ASH1L: variants seen among roughly 807,000 people sequenced by gnomAD.
ASH1L encodes the protein histone-lysine N-methyltransferase ASH1L.
A neutral mutation model predicts 269.0 loss-of-function variants in ASH1L; 23 were observed. That is an observed-to-expected ratio of 0.09 (90% CI 0.06 to 0.12). The LOEUF (loss-of-function observed/expected upper bound fraction) is 0.12. Among genes scored for constraint, ASH1L ranks in the 10% least tolerant of loss-of-function variants. The pLI, the probability that ASH1L is intolerant of heterozygous loss-of-function variation, is 1.00. For synonymous variants in ASH1L, 1,187 were observed against 1,253.5 expected (o/e 0.95, Z 1.12); for missense variants, 2,912 against 3,567.8 (o/e 0.82, Z 4.68).
At chr1:155,514,723 G>C (rs1668386273) in intron 2 of ASH1L, among the ~76,000 whole-genome samples, 1 of 152,122 alleles carries the variant, frequency 6.6e-6, no homozygotes, top group Non-Finnish European at 1.5e-5. Flanking sequence ...GGTGGTTCAG[G>C]AAGTTTTGCA....
rs766034354 is a variant in ASH1L, at chr1:155,481,922, G to A, written c.948C>T (p.Phe316=). ...GCTTTTTGCCTAAGTTTTTATTAAT[G>A]AATACCGCTGTAGTGCCAGTTCCCA... ...KKLGTGTTAV[F]INKNLGKKPG... The change falls in exon 3 of 28, where the codon TTC becomes TTT. Residue 316 remains phenylalanine, a synonymous_variant. Transcript: ENST00000392403. 1.1e-5 allele frequency: 17 copies of A among 1,614,120 alleles called. No individual in the cohort carries two copies. The highest frequency in any genetic ancestry group is 1.3e-5 in the Non-Finnish European group (15 of 1,180,016).
chr1:155,394,606 G>A (rs1658202756), intron 7 of ASH1L, among the ~76,000 whole-genome samples: 1 of 151,984 alleles, frequency 6.6e-6, no homozygotes, highest in South Asian at 2.1e-4. Context: ...AACTGGATAA[G>A]GGACAGAAAA....
At chr1:155,340,412 A>C (rs1350235764) in intron 25 of ASH1L, among the ~76,000 whole-genome samples, 2 of 151,914 alleles carry the variant, frequency 1.3e-5, no homozygotes, top group African/African-American at 4.8e-5. Context: ...CAATCTCCTG[A>C]CTTTGTGATC....
At chr1:155,409,108 T>C (rs1179668582) in intron 6 of ASH1L, among the ~76,000 whole-genome samples, 2 of 152,098 alleles carry the variant, frequency 1.3e-5, no homozygotes, top group Non-Finnish European at 2.9e-5. Context: ...CACTACAACC[T>C]CTGCTTCCTG....
At chr1:155,515,126 G>A (rs1224171167) in intron 2 of ASH1L, among the ~76,000 whole-genome samples, 1 of 152,090 alleles carries the variant, frequency 6.6e-6, no homozygotes, top group Non-Finnish European at 1.5e-5. Context: ...CGTATGCTCA[G>A]CAAATTGATG....
intron 5 of ASH1L, among the ~76,000 whole-genome samples, chr1:155,423,094 A>G (rs1660843669): frequency 6.6e-6 from 1 of 151,336 alleles, no homozygotes; most frequent in Non-Finnish European, 1.5e-5. Flanking sequence ...GATTACAGGT[A>G]CCTACCACCA....
chr1:155,466,278 C>G (rs1197924071), intron 3 of ASH1L, among the ~76,000 whole-genome samples: 1 of 151,992 alleles, frequency 6.6e-6, no homozygotes, highest in Non-Finnish European at 1.5e-5. Flanking sequence ...GGCATGAACC[C>G]GGGAGGCAGA....
At chr1:155,415,398 AC>A (rs368000361) in intron 6 of ASH1L, among the ~76,000 whole-genome samples, 6 of 151,416 alleles carry the variant, frequency 4.0e-5, no homozygotes, top group Admixed American at 6.6e-5. Flanking sequence ...AAAAAAAAAA[AC>A]AAAAAAAGAA....
intron 2 of ASH1L, among the ~76,000 whole-genome samples, chr1:155,510,546 G>C (rs1668102095): frequency 6.6e-6 from 1 of 151,920 alleles, no homozygotes; most frequent in African/African-American, 2.4e-5. Flanking sequence ...AGTAGGTACA[G>C]TGTGCTACTA....
chr1:155,396,177 G>A (rs924264333), intron 6 of ASH1L: 1 of 151,406 alleles, frequency 6.6e-6, no homozygotes, highest in African/African-American at 2.4e-5. Context: ...TTTAAAATGC[G>A]ATCTCAAGAG....
At chr1:155,417,018 G>A (rs1452144907) in intron 5 of ASH1L, among the ~76,000 whole-genome samples, 11 of 144,476 alleles carry the variant, frequency 7.6e-5, no homozygotes, top group Admixed American at 3.5e-4. Context: ...TGCAACCTCC[G>A]CCTCCTGGGT....
chr1:155,464,629 G>T (rs757615968), intron 3 of ASH1L, among the ~76,000 whole-genome samples: 6 of 152,058 alleles, frequency 3.9e-5, no homozygotes, highest in Non-Finnish European at 8.8e-5. Flanking sequence ...AAACAAGGCA[G>T]ACTACTAGTA....
Position 155,378,385 on chromosome 1 carries a change from G to A in ASH1L, c.6228C>T (p.Val2076=), listed in dbSNP as rs1297798141. 6.2e-7 allele frequency: 1 copy of A among 1,613,830 alleles called. No individual in the cohort carries two copies. ...VPLYKKIRSN[V]YVDVKPLSGY... is the part of the protein sequence containing the mutation. ...CAGAAAGGGGTTTGACATCAACGTAGACATCTTGAAAAGAAAGCAAAGAAT... is the reference window on the plus strand; with the variant it reads ...CAGAAAGGGGTTTGACATCAACGTAAACATCTTGAAAAGAAAGCAAAGAAT... Residue 2076 remains valine (V), a synonymous_variant, in exon 10 of 28, where the codon GTC becomes GTT. Transcript: ENST00000392403.
intron 6 of ASH1L, among the ~76,000 whole-genome samples, chr1:155,411,601 ATATAT>A (rs1659805326): frequency 1.2e-5 from 1 of 85,122 alleles, no homozygotes; most frequent in Admixed American, 1.2e-4. Context: ...ATATATATAT[ATATAT>A]ATATATATAT....
chr1:155,383,274 T>A (rs1336210758), intron 7 of ASH1L, among the ~76,000 whole-genome samples: 1 of 152,212 alleles, frequency 6.6e-6, no homozygotes, highest in Non-Finnish European at 1.5e-5. Flanking sequence ...TGTGCAGTGT[T>A]TATAAAATCT....
chr1:155,438,216 T>C lies in ASH1L; in HGVS notation c.5828+111A>G, dbSNP rs1200248673. On this transcript the variant is annotated intron_variant, in intron 5 of 27. Coordinates refer to ENST00000392403, the MANE Select transcript of ASH1L (RefSeq NM_018489.3). Reference sequence around the variant, plus strand: ...CAGTTTTTGAAAAGAAATGGTCTCATATAGTAAAAAATGAAAGGTTATAAG... The same window carrying C: ...CAGTTTTTGAAAAGAAATGGTCTCACATAGTAAAAAATGAAAGGTTATAAG... The C allele has an allele frequency of 6.1e-6, 7 of 1,150,178 alleles. No individual in the cohort carries two copies. In the East Asian group the frequency reaches 1.7e-4, roughly 28 times the overall value. The allele number at this position is 1,150,178 out of a possible 1,614,324, so 71.2% of individuals were successfully genotyped here.
rs1376913338 is a variant in ASH1L at position 155,480,468 on chromosome 1, T to C, written c.2402A>G (p.His801Arg). ...TAGTTTGTGAGTAGCAAAAGACTTATGAGATGGTTTTTCACTATCAGCTAA... is the reference window on the plus strand; with the variant it reads ...TAGTTTGTGAGTAGCAAAAGACTTACGAGATGGTTTTTCACTATCAGCTAA... ...ALLADSEKPS[H>R]KSFATHKLSS... Residue 801 changes from histidine to arginine, a missense_variant, in exon 3 of 28, where the codon CAT becomes CGT. This residue lies in a region of ASH1L where 715 missense variants were observed against 721.0 expected (regional missense o/e 0.99). Transcript: ENST00000392403. The C allele has an allele frequency of 3.1e-6, 5 of 1,613,916 alleles. No individual in the cohort carries two copies. In the African/African-American group the frequency reaches 6.7e-5, roughly 22 times the overall value.
At chr1:155,558,564 G>T (rs1173189180) in intron 1 of ASH1L, among the ~76,000 whole-genome samples, 1 of 152,004 alleles carries the variant, frequency 6.6e-6, no homozygotes, top group Non-Finnish European at 1.5e-5. Flanking sequence ...TTTTTAAAGA[G>T]ACAGTGTTTC....
At chr1:155,373,808 T>C (rs1023951371) in intron 10 of ASH1L, among the ~76,000 whole-genome samples, 7 of 152,010 alleles carry the variant, frequency 4.6e-5, no homozygotes, top group Non-Finnish European at 7.4e-5. Context: ...GCTGGGACTA[T>C]AGGCACACGC....
Sources: allele counts gnomAD v4.1 joint callset (sites outside exome capture counted in the v4.1 genomes callset), GRCh38; gene constraint gnomAD v4.1.1; regional missense constraint gnomAD v4.1.1; transcripts MANE v1.5; gene names NCBI Gene and HGNC (gene_info 2026-07-23, HGNC 2026-07-21).